Variants in PCDH7 observed in about 807,000 individuals in gnomAD.
The protein encoded by PCDH7 is protocadherin-7.
A neutral mutation model predicts 58.9 loss-of-function variants in PCDH7; 17 were observed. The observed-to-expected ratio is 0.29, with a 90% CI of 0.20 to 0.43. PCDH7 has a LOEUF of 0.43. PCDH7 is among the 20% of genes least tolerant of loss of function. The pLI, the probability that PCDH7 is intolerant of heterozygous loss-of-function variation, is 1.00. For missense variants in PCDH7, 1,274 were observed against 1,441.0 expected, an observed-to-expected ratio of 0.88 and a Z score of 1.88; for synonymous variants, 664 against 616.4, an observed-to-expected ratio of 1.08 and a Z score of -1.14.
chr4:30,948,984 TG>T (rs143504136), intron 2 of PCDH7, among the ~76,000 whole-genome samples: 134 of 152,222 alleles, frequency 8.8e-4, no homozygotes, highest in African/African-American at 3.2e-3. Context: ...TCCCAAACAT[TG>T]GGATTAAAGG....
intron 1 of PCDH7, among the ~76,000 whole-genome samples, chr4:30,873,169 G>A (rs951524867): frequency 6.6e-6 from 1 of 151,920 alleles, no homozygotes; most frequent in Non-Finnish European, 1.5e-5. Context: ...GCTCAACTGG[G>A]GAGAACAATG....
At chr4:31,022,449 A>G (rs539671256) in intron 3 of PCDH7, among the ~76,000 whole-genome samples, 1 of 152,300 alleles carries the variant, frequency 6.6e-6, no homozygotes, top group South Asian at 2.1e-4. Context: ...ATGAGGCAAA[A>G]CATTTTCTGA....
At chr4:31,063,037 A>T (rs966854763) in intron 3 of PCDH7, among the ~76,000 whole-genome samples, 12 of 151,844 alleles carry the variant, frequency 7.9e-5, no homozygotes, top group Non-Finnish European at 1.2e-4. Flanking sequence ...ATTAATCTTT[A>T]TTGGGTATCT....
At chr4:31,060,214 C>T (rs1276508256) in intron 3 of PCDH7, among the ~76,000 whole-genome samples, 2 of 151,678 alleles carry the variant, frequency 1.3e-5, no homozygotes, top group Non-Finnish European at 3.0e-5. Flanking sequence ...GACACATTGT[C>T]CCCAATCTTG....
rs143534956 is a variant in PCDH7 at position 30,761,880 on chromosome 4, A to G, written c.70+37284A>G. Among the ~76,000 whole-genome samples the G allele has an allele frequency of 3.7e-4, 56 of 152,328 alleles. No individual in the cohort carries two copies. The East Asian group carries it at 0.011, about 29-fold the overall frequency. On this transcript the variant is annotated intron_variant, in intron 1 of 3. Coordinates refer to the PCDH7 transcript ENST00000509759. The stretch of plus-strand genomic sequence containing the variant: ...TCTCGCTTTAGATGTCGATTTGCTC[A>G]AACTCACAGAGAAGTGAGAGACAGA...
At chr4:30,814,156 C>T (rs1727362013) in intron 1 of PCDH7, among the ~76,000 whole-genome samples, 1 of 151,694 alleles carries the variant, frequency 6.6e-6, no homozygotes, top group South Asian at 2.1e-4. Context: ...GCAATTTTTA[C>T]ATAAATATGT....
intron 3 of PCDH7, among the ~76,000 whole-genome samples, chr4:31,072,141 T>C (rs757206786): frequency 1.3e-5 from 2 of 152,140 alleles, no homozygotes; most frequent in Non-Finnish European, 2.9e-5. Flanking sequence ...GGCAATCATT[T>C]TGGCAAATAA....
At chr4:31,089,574 G>A (rs1337643938) in intron 3 of PCDH7, among the ~76,000 whole-genome samples, 3 of 151,970 alleles carry the variant, frequency 2.0e-5, no homozygotes, top group Non-Finnish European at 4.4e-5. Flanking sequence ...ATCAAAAAGA[G>A]TTTAAATCAT....
At chr4:31,099,163 A>G (rs899544183) in intron 3 of PCDH7, among the ~76,000 whole-genome samples, 21 of 152,158 alleles carry the variant, frequency 1.4e-4, no homozygotes, top group African/African-American at 5.1e-4. Context: ...CATGAATACA[A>G]TCTGGCTAAC....
At chr4:30,913,649 A>G (rs1742060705) in intron 1 of PCDH7, among the ~76,000 whole-genome samples, 1 of 152,280 alleles carries the variant, frequency 6.6e-6, no homozygotes, top group South Asian at 2.1e-4. Flanking sequence ...GGAATAATGA[A>G]TCAAATGCTC....
At chr4:31,121,105 T>C (rs1241266405) in intron 3 of PCDH7, among the ~76,000 whole-genome samples, 1 of 152,180 alleles carries the variant, frequency 6.6e-6, no homozygotes, top group Non-Finnish European at 1.5e-5. Flanking sequence ...TCAGTACATG[T>C]TCATTATTCA....
chr4:30,831,865 T>C (rs1450866596), intron 1 of PCDH7, among the ~76,000 whole-genome samples: 1 of 152,168 alleles, frequency 6.6e-6, no homozygotes, highest in Admixed American at 6.6e-5. Flanking sequence ...TAGTCAAGTT[T>C]TTTTTCCTAT....
At chr4:30,814,256 A>G (rs748179794) in intron 1 of PCDH7, among the ~76,000 whole-genome samples, 7 of 152,038 alleles carry the variant, frequency 4.6e-5, no homozygotes, top group Non-Finnish European at 8.8e-5. Flanking sequence ...TAATACGCCT[A>G]TATTAAATAT....
chr4:31,044,381 A>G (rs775635610), intron 3 of PCDH7, among the ~76,000 whole-genome samples: 1 of 152,038 alleles, frequency 6.6e-6, no homozygotes, highest in East Asian at 1.9e-4. Flanking sequence ...TTTATATCCC[A>G]TATTTCTTTA....
intron 2 of PCDH7, among the ~76,000 whole-genome samples, chr4:30,941,910 G>C (rs1220907043): frequency 6.6e-6 from 1 of 151,900 alleles, no homozygotes; most frequent in African/African-American, 2.4e-5. Flanking sequence ...AAAATAAAGA[G>C]CTTGGTTTAA....
At chr4:30,848,684 G>A (rs1560432086) in intron 1 of PCDH7, among the ~76,000 whole-genome samples, 1 of 152,062 alleles carries the variant, frequency 6.6e-6, no homozygotes, top group Non-Finnish European at 1.5e-5. Context: ...TATTCCAACA[G>A]TAGCATTTAA....
chr4:30,745,409 A>G (rs1230588259), intron 1 of PCDH7, among the ~76,000 whole-genome samples: 3 of 151,996 alleles, frequency 2.0e-5, no homozygotes, highest in African/African-American at 4.8e-5. Context: ...CATGTGTCCT[A>G]TTAACACTGG....
intron 1 of PCDH7, among the ~76,000 whole-genome samples, chr4:30,753,268 T>A (rs1264982637): frequency 6.6e-6 from 1 of 152,198 alleles, no homozygotes; most frequent in Non-Finnish European, 1.5e-5. Context: ...TATCTCTAAC[T>A]GTAAAAAGAG....
intron 2 of PCDH7, among the ~76,000 whole-genome samples, chr4:30,929,369 T>C (rs1451872994): frequency 6.6e-6 from 1 of 152,188 alleles, no homozygotes; most frequent in East Asian, 1.9e-4. Flanking sequence ...TTTTAAATCT[T>C]GTCTCTGATA....
Sources: gnomAD v4.1 joint callset for allele counts (sites outside exome capture counted in the v4.1 genomes callset) on GRCh38, gnomAD v4.1.1 for gene constraint, MANE v1.5 for transcripts, NCBI Gene and HGNC (gene_info 2026-07-23, HGNC 2026-07-21) for gene names.